DLGAP2: variants seen among roughly 807,000 people sequenced by gnomAD.
The protein encoded by DLGAP2 is DLG associated protein 2, also known as disks large-associated protein 2.
In DLGAP2, 26 loss-of-function variants were observed where a neutral mutation model predicts 100.3. The ratio of observed to expected loss-of-function variants is 0.26; its 90% confidence interval spans 0.19 to 0.36. DLGAP2 has a LOEUF of 0.36. DLGAP2 is among the 10% of genes least tolerant of loss of function. The pLI is 1.00. For synonymous variants in DLGAP2, 886 were observed against 630.1 expected (o/e 1.41, Z -6.08); for missense variants, 1,858 against 1,453.2 (o/e 1.28, Z -4.53).
chr8:940,652 G>A (rs1347566010), intron 2 of DLGAP2, among the ~76,000 whole-genome samples: 1 of 152,122 alleles, frequency 6.6e-6, no homozygotes. Context: ...AGGTTTTCAG[G>A]ACAGTTTGGA....
At chr8:1,598,214 C>T (rs993371149) in intron 6 of DLGAP2, among the ~76,000 whole-genome samples, 15 of 152,224 alleles carry the variant, frequency 9.9e-5, no homozygotes, top group Admixed American at 1.3e-4. Flanking sequence ...GGGATGAAGC[C>T]GACTTGATCG....
At chr8:824,628 C>G (rs927605409) in intron 1 of DLGAP2, among the ~76,000 whole-genome samples, 1 of 152,080 alleles carries the variant, frequency 6.6e-6, no homozygotes, top group African/African-American at 2.4e-5. Flanking sequence ...GTGAAGATGA[C>G]TGCTGACCTC....
chr8:1,501,370 A>C lies in DLGAP2; in HGVS notation c.111A>C (p.Glu37Asp). 1 of 1,535,890 alleles carries C rather than the reference A, an allele frequency of 6.5e-7. No homozygotes were observed. Among genetic ancestry groups the C allele is most frequent in the Non-Finnish European group, 8.7e-7 (1 of 1,146,740 alleles). ...ACTTTGTTTCTGTCTTTGCAGAGGA[A>C]GAAGCTGGAGACTTGGTCCAGCCGG... ...QCTLCGEPEE[E>D]EAGDLVQPGI... The change falls in exon 4 of 15, where the codon GAA (glutamate) becomes GAC (aspartate). Residue 37 changes from glutamate (E) to aspartate (D), a missense_variant. Transcript: ENST00000637795.
chr8:945,841 C>G (rs4735830), intron 2 of DLGAP2, among the ~76,000 whole-genome samples: 6 of 151,698 alleles, frequency 4.0e-5, no homozygotes, highest in Admixed American at 3.9e-4. Flanking sequence ...TCTCTCTCTG[C>G]GTGTGTCTCT....
intron 1 of DLGAP2, among the ~76,000 whole-genome samples, chr8:806,560 C>T (rs892178988): frequency 6.6e-5 from 10 of 152,126 alleles, no homozygotes; most frequent in African/African-American, 2.2e-4. Flanking sequence ...TCGATAGGTG[C>T]CCTGGAAGCA....
At chr8:1,426,079 G>A (rs1291398819) in intron 3 of DLGAP2, among the ~76,000 whole-genome samples, 1 of 152,178 alleles carries the variant, frequency 6.6e-6, no homozygotes, top group Non-Finnish European at 1.5e-5. Context: ...ATCCCCTAAG[G>A]CCGGGAGAAA....
intron 2 of DLGAP2, among the ~76,000 whole-genome samples, chr8:1,205,698 G>A (rs1387661484): frequency 2.0e-5 from 3 of 152,186 alleles, no homozygotes; most frequent in Non-Finnish European, 4.4e-5. Flanking sequence ...GGAGCACTGG[G>A]ATTCGGACAG....
Position 759,988 on chromosome 8 carries a change from TGA to T in DLGAP2, c.18+22167_18+22168del, listed in dbSNP as rs534953647. On this transcript the variant is annotated intron_variant, in intron 1 of 14. Transcript: ENST00000637795. ...CAGCAATTGTCAGGGTTGAGACCAT[TGA>T]GAGTCTGTTTAGTAATCAGAGTTAA... is the stretch of plus-strand genomic sequence containing the variant. 2.6e-3 allele frequency among the ~76,000 whole-genome samples: 395 copies of T among 152,306 alleles called. 1 individual carries two copies. Among genetic ancestry groups the T allele is most frequent in the Non-Finnish European group, 4.5e-3 (309 of 68,020 alleles).
intron 2 of DLGAP2, among the ~76,000 whole-genome samples, chr8:1,119,708 G>A (rs147147970): frequency 1.3e-4 from 20 of 152,276 alleles, no homozygotes; most frequent in Non-Finnish European, 2.9e-4. Flanking sequence ...GTATCCCCAG[G>A]GACTGTCAAA....
At chr8:857,872 AT>A (rs35091275) in intron 1 of DLGAP2, among the ~76,000 whole-genome samples, 65,064 of 147,338 alleles carry the variant, frequency 0.44, 14,009 homozygotes, top group East Asian at 0.55. Context: ...CTTGCACATG[AT>A]TTTTTTTTTT....
intron 4 of DLGAP2, among the ~76,000 whole-genome samples, chr8:1,536,494 C>T (rs1478163322): frequency 1.3e-5 from 2 of 152,146 alleles, no homozygotes; most frequent in Non-Finnish European, 2.9e-5. Context: ...AAAGATCTTC[C>T]TTTTTCCATT....
intron 3 of DLGAP2, among the ~76,000 whole-genome samples, chr8:1,414,547 T>C (rs10094948): frequency 2.0e-5 from 3 of 151,832 alleles, no homozygotes; most frequent in African/African-American, 7.3e-5. Context: ...GACCGGGCTG[T>C]GGGTCCCAGT....
intron 12 of DLGAP2, among the ~76,000 whole-genome samples, chr8:1,684,268 C>G (rs1666608027): frequency 6.6e-6 from 1 of 152,056 alleles, no homozygotes; most frequent in African/African-American, 2.4e-5. Flanking sequence ...ATACCTTCAT[C>G]TTTTTGTGGA....
chr8:1,318,808 G>A (rs1018559543), intron 3 of DLGAP2, among the ~76,000 whole-genome samples: 3 of 115,272 alleles, frequency 2.6e-5, no homozygotes, highest in African/African-American at 3.9e-5. Flanking sequence ...CCCATCCTTG[G>A]GGCCTCCAAT....
At chr8:1,595,507 CA>C (rs555059840) in intron 6 of DLGAP2, among the ~76,000 whole-genome samples, 10 of 145,866 alleles carry the variant, frequency 6.9e-5, no homozygotes, top group Admixed American at 6.8e-5. Flanking sequence ...ACTAAAAATA[CA>C]AAAAAAAAAT....
intron 2 of DLGAP2, among the ~76,000 whole-genome samples, chr8:1,217,479 T>C (rs1430199928): frequency 6.6e-6 from 1 of 152,200 alleles, no homozygotes; most frequent in African/African-American, 2.4e-5. Flanking sequence ...TACCCAGTAA[T>C]TGGATTACTG....
chr8:1,228,207 C>T (rs937675568), intron 2 of DLGAP2, among the ~76,000 whole-genome samples: 1 of 151,450 alleles, frequency 6.6e-6, no homozygotes, highest in Non-Finnish European at 1.5e-5. Flanking sequence ...TGCACATGTA[C>T]CCTAGAACTT....
intron 4 of DLGAP2, among the ~76,000 whole-genome samples, chr8:1,527,016 C>G (rs965404600): frequency 2.6e-5 from 4 of 152,134 alleles, no homozygotes; most frequent in Non-Finnish European, 5.9e-5. Flanking sequence ...TTCGCATCGT[C>G]TACATTGCAG....
chr8:1,696,629 A>G (rs1274509699), intron 13 of DLGAP2, among the ~76,000 whole-genome samples: 1 of 152,180 alleles, frequency 6.6e-6, no homozygotes, highest in Non-Finnish European at 1.5e-5. Context: ...TGTGCCTCCT[A>G]AGTGTGGGCG....
Sources: allele counts gnomAD v4.1 joint callset (sites outside exome capture counted in the v4.1 genomes callset), GRCh38; gene constraint gnomAD v4.1.1; transcripts MANE v1.5; gene names NCBI Gene and HGNC (gene_info 2026-07-23, HGNC 2026-07-21).